The following USPL1 variants were observed in gnomAD, a reference collection of about 807,000 sequenced individuals.
The protein encoded by USPL1 is SUMO-specific isopeptidase USPL1.
A neutral mutation model predicts 51.5 loss-of-function variants in USPL1; 27 were observed. The ratio of observed to expected loss-of-function variants is 0.52; its 90% CI spans 0.39 to 0.72. The LOEUF is 0.72. USPL1 is among the 30% of genes least tolerant of loss of function. USPL1 has a pLI of 0.00. For synonymous variants in USPL1, 451 were observed against 459.6 expected (o/e 0.98, Z 0.24); for missense variants, 1,226 against 1,268.0 (o/e 0.97, Z 0.50).
chr13:30,642,329 C>A (rs1300226650), intron 5 of USPL1, among the ~76,000 whole-genome samples: 1 of 151,272 alleles, frequency 6.6e-6, no homozygotes, highest in Non-Finnish European at 1.5e-5. Context: ...CCTGAGAAAT[C>A]TAGAAAGATG....
At chr13:30,654,282 G>A (rs1056847245) in intron 8 of USPL1, among the ~76,000 whole-genome samples, 19 of 152,260 alleles carry the variant, frequency 1.2e-4, no homozygotes, top group Admixed American at 1.0e-3. Flanking sequence ...TCAATGTTGG[G>A]TGTTTTTGGT....
At chr13:30,632,014 G>A (rs1359726540) in intron 4 of USPL1, among the ~76,000 whole-genome samples, 3 of 151,356 alleles carry the variant, frequency 2.0e-5, no homozygotes, top group East Asian at 1.9e-4. Context: ...TGTGCAGAAC[G>A]TGCAGTTTTG....
intron 8 of USPL1, among the ~76,000 whole-genome samples, chr13:30,655,471 G>C (rs1011960204): frequency 1.3e-5 from 2 of 152,108 alleles, no homozygotes; most frequent in African/African-American, 4.8e-5. Context: ...TTGTAGGAAG[G>C]CTTTGAAGTC....
rs1250589916 is a variant in USPL1, at chr13:30,659,243, C to T, written c.3166C>T (p.Pro1056Ser). ...ACVRTLNLESPMKTDIFDEFF... is the reference protein window; with the variant it reads ...ACVRTLNLESSMKTDIFDEFF... ...CGTTAGAACATTAAACTTGGAGAGT[C>T]CGATGAAGACTGATATTTTCGATGA... is the stretch of plus-strand genomic sequence containing the variant. Residue 1056 changes from proline (P) to serine (S), a missense_variant, in exon 9 of 9, where the codon CCG becomes TCG. Transcript: ENST00000255304. 1 of 1,613,964 alleles carries T rather than the reference C, an allele frequency of 6.2e-7. No individual in the cohort carries two copies. Among genetic ancestry groups the T allele is most frequent in the Non-Finnish European group, 8.5e-7 (1 of 1,180,020 alleles).
In USPL1 at chr13:30,631,138, G is replaced by A. The variant is rs1593367564; in HGVS notation, c.532G>A (p.Asp178Asn). 1.2e-6 allele frequency: 2 copies of A among 1,614,204 alleles called. No homozygotes were observed. The highest frequency in any genetic ancestry group is 1.7e-6 in the Non-Finnish European group (2 of 1,180,046). The change falls in exon 4 of 9, where the codon GAT becomes AAT. Residue 178 changes from aspartate to asparagine, a missense_variant. Physicochemically the swap from Asp to Asn is conservative, Grantham distance 23. Transcript: ENST00000255304. ...GGAGCGGAATGAGATTTTGGAAGCT[G>A]ATACTGTTGACATGGCTACTACAAA... is the stretch of plus-strand genomic sequence containing the variant. ...SLERNEILEA[D>N]TVDMATTKDP...
At chr13:30,636,582 T>C (rs2137654552) in intron 4 of USPL1, among the ~76,000 whole-genome samples, 1 of 152,330 alleles carries the variant, frequency 6.6e-6, no homozygotes, top group South Asian at 2.1e-4. Context: ...CTTGGATAGT[T>C]TCTTGTCACA....
At chr13:30,644,293 T>TA (rs1180642570) in intron 6 of USPL1, among the ~76,000 whole-genome samples, 2 of 151,926 alleles carry the variant, frequency 1.3e-5, no homozygotes, top group Non-Finnish European at 2.9e-5. Context: ...CAAAAAAAAT[T>TA]AAAAAAAATT....
Position 30,659,082 on chromosome 13 carries a change from A to G in USPL1, c.3005A>G (p.His1002Arg), listed in dbSNP as rs757530392. The change falls in exon 9 of 9, where the codon CAT (histidine) becomes CGT (arginine). Residue 1002 changes from histidine to arginine, a missense_variant. By Grantham distance (29) the His-to-Arg change is conservative. Transcript: ENST00000255304. ...DFRYLGMGDS[H>R]IPPPVPSEFN... ...AGGTATTTGGGAATGGGAGATAGTC[A>G]TATCCCACCACCAGTACCAAGTGAA... is the stretch of plus-strand genomic sequence containing the variant. The G allele has an allele frequency of 1.9e-6, 3 of 1,614,204 alleles. No individual in the cohort carries two copies. The highest frequency in any genetic ancestry group is 2.2e-5 in the South Asian group (2 of 91,082).
chr13:30,650,981 G>A (rs555754615), intron 7 of USPL1, among the ~76,000 whole-genome samples: 325 of 148,584 alleles, frequency 2.2e-3, no homozygotes, highest in Non-Finnish European at 2.9e-3. Context: ...AGAGTGAGAC[G>A]CCATCTCAAA....
At chr13:30,647,628 G>T (rs967700076) in intron 7 of USPL1, among the ~76,000 whole-genome samples, 3 of 152,096 alleles carry the variant, frequency 2.0e-5, no homozygotes, top group Non-Finnish European at 2.9e-5. Context: ...TAAACTCACA[G>T]GTCAGTTCCA....
rs537924007 is a variant in USPL1, at chr13:30,631,047, C to T, written c.441C>T (p.Asp147=). 64 of 1,614,060 alleles carry T rather than the reference C, an allele frequency of 4.0e-5. No individual in the cohort carries two copies. The South Asian group carries it at 4.7e-4, about 12-fold the overall frequency. The change falls in exon 4 of 9, where the codon GAC becomes GAT. Residue 147 remains aspartate, a synonymous_variant. Transcript: ENST00000255304. The part of the protein sequence containing the change: ...LNSKHNGEVY[D]ETSSNLPDSS... ...GCAAACATAATGGAGAAGTATATGA[C>T]GAAACCTCGTCAAACTTACCTGATA...
At position 30,657,724 on chromosome 13, in the gene USPL1, C is replaced by T. The variant is rs1326599368; in HGVS notation, c.1647C>T (p.His549=). 1.9e-6 allele frequency: 3 copies of T among 1,614,178 alleles called. No homozygotes were observed. Among genetic ancestry groups the T allele is most frequent in the South Asian group, 1.1e-5 (1 of 91,082 alleles). ...AASAETASVT[H]PKDISVAPRT... is the part of the protein sequence containing the mutation. ...CAGCTGAAACAGCCTCAGTAACTCA[C>T]CCTAAAGATATATCAGTTGCCCCTC... Residue 549 remains histidine (H), a synonymous_variant, in exon 9 of 9, where the codon CAC becomes CAT. Coordinates refer to ENST00000255304, the MANE Select transcript of USPL1 (RefSeq NM_005800.5).
chr13:30,639,949 T>C (rs1021884100), intron 5 of USPL1, among the ~76,000 whole-genome samples: 2 of 152,204 alleles, frequency 1.3e-5, no homozygotes, highest in East Asian at 3.8e-4. Flanking sequence ...ATGGGCCTGG[T>C]TTTCTATGTA....
chr13:30,624,556 G>A (rs1320079103), intron 3 of USPL1, among the ~76,000 whole-genome samples: 1 of 152,134 alleles, frequency 6.6e-6, no homozygotes, highest in African/African-American at 2.4e-5. Flanking sequence ...GGAGGTCCAG[G>A]CTGCAGTGAG....
At position 30,631,147 on chromosome 13, in the gene USPL1, G is replaced by C. The variant is rs780793721; in HGVS notation, c.541G>C (p.Asp181His). The C allele has an allele frequency of 1.9e-5, 30 of 1,614,076 alleles. No individual in the cohort carries two copies. Among genetic ancestry groups the C allele is most frequent in the Admixed American group, 3.3e-5 (2 of 60,002 alleles). ...TGAGATTTTGGAAGCTGATACTGTT[G>C]ACATGGCTACTACAAAAGATCCTGC... is the stretch of plus-strand genomic sequence containing the variant. The part of the protein sequence containing the change: ...RNEILEADTV[D>H]MATTKDPATV... Residue 181 changes from aspartate (D) to histidine (H), a missense_variant, in exon 4 of 9, where the codon GAC becomes CAC. Coordinates refer to ENST00000255304, the MANE Select transcript of USPL1 (RefSeq NM_005800.5).
intron 7 of USPL1, among the ~76,000 whole-genome samples, chr13:30,648,964 C>G (rs191055873): frequency 2.6e-5 from 4 of 152,262 alleles, no homozygotes; most frequent in Admixed American, 2.0e-4. Flanking sequence ...GCTGTTCATA[C>G]CTGCTTTTTC....
chr13:30,638,647 TG>T (rs551295066), intron 5 of USPL1, among the ~76,000 whole-genome samples: 99 of 152,116 alleles, frequency 6.5e-4, no homozygotes, highest in African/African-American at 2.3e-3. Flanking sequence ...CTTGTATCCT[TG>T]TATTAACTCT....
chr13:30,653,149 G>A lies in USPL1; in HGVS notation c.1240G>A (p.Val414Ile). ...SQIRKMVLEK[V>I]SPIFMLHFVE... The stretch of plus-strand genomic sequence containing the variant: ...TTCTCTTGCTTTTCTCTCCCACAGA[G>A]TATCTCCCATATTCATGTTGCACTT... The change falls in exon 8 of 9, where the codon GTA becomes ATA. Residue 414 changes from valine (V) to isoleucine (I), a missense_variant and splice_region_variant. Coordinates refer to ENST00000255304, the MANE Select transcript of USPL1 (RefSeq NM_005800.5). 6.3e-7 allele frequency: 1 copy of A among 1,581,510 alleles called. No individual in the cohort carries two copies. The highest frequency in any genetic ancestry group is 8.6e-7 in the Non-Finnish European group (1 of 1,160,298).
rs1566059739 is a variant in USPL1 at position 30,653,285 on chromosome 13, C to A, written c.1376C>A (p.Thr459Lys). The A allele has an allele frequency of 6.2e-7, 1 of 1,602,866 alleles. No individual in the cohort carries two copies. Among genetic ancestry groups the A allele is most frequent in the Non-Finnish European group, 8.5e-7 (1 of 1,172,376 alleles). Residue 459 changes from threonine (T) to lysine (K), a missense_variant, in exon 8 of 9, where the codon ACA (threonine) becomes AAA (lysine). Coordinates refer to ENST00000255304, the MANE Select transcript of USPL1 (RefSeq NM_005800.5). ...IQYRANNHFITWILDADGSWL... is the reference protein window; with the variant it reads ...IQYRANNHFIKWILDADGSWL... ...TATCGAGCAAATAATCATTTTATAA[C>A]ATGGATTTTAGATGCTGATGGTAAG...
Sources: allele counts gnomAD v4.1 joint callset (sites outside exome capture counted in the v4.1 genomes callset), GRCh38; gene constraint gnomAD v4.1.1; transcripts MANE v1.5; gene names NCBI Gene and HGNC (gene_info 2026-07-23, HGNC 2026-07-21).